The following STX8 variants were observed in gnomAD, a reference collection of about 807,000 sequenced individuals.
The protein encoded by STX8 is syntaxin 8.
A neutral mutation model predicts 37.5 loss-of-function variants in STX8; 23 were observed. That is an observed-to-expected ratio of 0.61 (90% confidence interval 0.44 to 0.87). The LOEUF (loss-of-function observed/expected upper bound fraction) is 0.87, where lower values mean the gene tolerates loss of function less well. Ranked by LOEUF, STX8 falls within the 40% of genes least tolerant of loss-of-function variation. The pLI is 0.00. For synonymous variants in STX8, 115 were observed against 99.1 expected, an observed-to-expected ratio of 1.16 and a Z score of -0.95; for missense variants, 313 against 284.7, an observed-to-expected ratio of 1.10 and a Z score of -0.71.
At chr17:9,258,539 G>T (rs8075344) in intron 7 of STX8, among the ~76,000 whole-genome samples, 4,205 of 152,324 alleles carry the variant, frequency 0.028, 70 homozygotes, top group Non-Finnish European at 0.044. Flanking sequence ...CTGCGCCAGG[G>T]GAAACCAGGC....
intron 7 of STX8, among the ~76,000 whole-genome samples, chr17:9,274,968 C>T (rs973141148): frequency 2.6e-5 from 4 of 151,774 alleles, no homozygotes; most frequent in African/African-American, 9.7e-5. Flanking sequence ...CCAAGCTGGT[C>T]TCAGACTCCT....
chr17:9,568,563 C>T (rs1470495950), intron 1 of STX8, 93 bp from the exon 2 acceptor site: 5 of 975,056 alleles, frequency 5.1e-6, no homozygotes, highest in Non-Finnish European at 7.6e-6. Context: ...TGCAGTGGCA[C>T]GATCTCAGCT....
intron 3 of STX8, among the ~76,000 whole-genome samples, chr17:9,548,235 G>T (rs1409969250): frequency 6.6e-6 from 1 of 152,078 alleles, no homozygotes; most frequent in African/African-American, 2.4e-5. Flanking sequence ...CTCCCAAGTA[G>T]CTGGGATTAC....
At chr17:9,426,926 G>A (rs1455721695) in intron 6 of STX8, among the ~76,000 whole-genome samples, 1 of 151,834 alleles carries the variant, frequency 6.6e-6, no homozygotes, top group Non-Finnish European at 1.5e-5. Flanking sequence ...ATATTACCTA[G>A]TATTACCAGT....
At chr17:9,422,894 G>A (rs1292575049) in intron 6 of STX8, among the ~76,000 whole-genome samples, 1 of 152,130 alleles carries the variant, frequency 6.6e-6, no homozygotes, top group Admixed American at 6.5e-5. Context: ...GAAAAATGCT[G>A]GACATAAATG....
rs183977963 is a variant in STX8, at chr17:9,458,557, T to C, written c.541+33272A>G. Among the ~76,000 whole-genome samples, 848 of 152,318 alleles carry C rather than the reference T, an allele frequency of 5.6e-3. 6 individuals are homozygous for C. The highest frequency in any genetic ancestry group is 8.8e-3 in the Non-Finnish European group (600 of 68,036). On this transcript the variant is annotated intron_variant, in intron 6 of 7. Transcript: ENST00000306357. ...TTTTAAAATAATTCAAAAGTAATCA[T>C]GACTTTGAGAAGACCAATGCATGAC...
intron 6 of STX8, among the ~76,000 whole-genome samples, chr17:9,400,251 C>T (rs1292804246): frequency 6.6e-6 from 1 of 151,564 alleles, no homozygotes; most frequent in African/African-American, 2.4e-5. Flanking sequence ...TACAGGCGCC[C>T]GCCACCACGC....
intron 6 of STX8, among the ~76,000 whole-genome samples, chr17:9,421,167 C>T (rs906178482): frequency 2.6e-5 from 4 of 151,852 alleles, no homozygotes; most frequent in Non-Finnish European, 4.4e-5. Flanking sequence ...CCGAGGCGGG[C>T]GGATCACCTG....
chr17:9,261,185 G>A (rs1907015444), intron 7 of STX8, among the ~76,000 whole-genome samples: 1 of 152,196 alleles, frequency 6.6e-6, no homozygotes, highest in African/African-American at 2.4e-5. Context: ...TGGCCGTGGA[G>A]CAGCAGTCAC....
intron 6 of STX8, among the ~76,000 whole-genome samples, chr17:9,385,982 C>T (rs2142295134): frequency 6.6e-6 from 1 of 152,202 alleles, no homozygotes; most frequent in African/African-American, 2.4e-5. Context: ...CCATGTTGGC[C>T]AGGCTGGTCT....
chr17:9,412,514 G>A (rs1234590530), intron 6 of STX8, among the ~76,000 whole-genome samples: 2 of 152,154 alleles, frequency 1.3e-5, no homozygotes, highest in African/African-American at 4.8e-5. Context: ...CCCGACCTCA[G>A]GTGATCCGCC....
intron 4 of STX8, among the ~76,000 whole-genome samples, chr17:9,531,503 C>G (rs1343532677): frequency 6.6e-6 from 1 of 152,120 alleles, no homozygotes; most frequent in African/African-American, 2.4e-5. Flanking sequence ...TTCAGTTACC[C>G]ACACTCCGAA....
In STX8 at chr17:9,293,765, C is replaced by CT. The variant is rs541071064; in HGVS notation, c.644-43121dup. 8.8e-3 allele frequency among the ~76,000 whole-genome samples: 1,279 copies of CT among 144,908 alleles called. 14 individuals are homozygous for CT. Among genetic ancestry groups the CT allele is most frequent in the African/African-American group, 0.025 (1,005 of 39,510 alleles). ...TTTTATGTGGTCACCATTTATAGTA[C>CT]TTTTTTTTTTTTTTGAGATGGAGTC... On this transcript the variant is annotated intron_variant, in intron 7 of 7. Coordinates refer to ENST00000306357, the MANE Select transcript of STX8 (RefSeq NM_004853.3).
chr17:9,310,781 T>C lies in STX8; in HGVS notation c.644-60136A>G, dbSNP rs564330210. Reference sequence around the variant, plus strand: ...TTACCCAAGGTCTCGATGTTAGAGCTGGGATTCAGATCTACACTGATTTTG... The same window carrying C: ...TTACCCAAGGTCTCGATGTTAGAGCCGGGATTCAGATCTACACTGATTTTG... On this transcript the variant is annotated intron_variant, in intron 7 of 7. Coordinates refer to ENST00000306357, the MANE Select transcript of STX8 (RefSeq NM_004853.3). Among the ~76,000 whole-genome samples, 4 of 115,208 alleles carry C rather than the reference T, an allele frequency of 3.5e-5. No individual in the cohort carries two copies. The East Asian group carries it at 9.6e-4, about 28-fold the overall frequency. The allele number at this position is 115,208 out of a possible 152,430, so 75.6% of individuals were successfully genotyped here.
At chr17:9,274,123 A>T (rs1041112582) in intron 7 of STX8, among the ~76,000 whole-genome samples, 1 of 152,108 alleles carries the variant, frequency 6.6e-6, no homozygotes, top group Non-Finnish European at 1.5e-5. Context: ...AAAAGTGTCA[A>T]ATGTGCCACC....
chr17:9,455,052 C>A (rs1024320364), intron 6 of STX8, among the ~76,000 whole-genome samples: 4 of 151,938 alleles, frequency 2.6e-5, no homozygotes, highest in African/African-American at 7.3e-5. Context: ...CCCGTCTCTA[C>A]AAAAAATTAA....
chr17:9,426,886 TACCA>T (rs974892045), intron 6 of STX8, among the ~76,000 whole-genome samples: 9 of 152,174 alleles, frequency 5.9e-5, no homozygotes, highest in Non-Finnish European at 1.3e-4. Context: ...CACCTAGTAT[TACCA>T]GTCTATCTCT....
intron 7 of STX8, among the ~76,000 whole-genome samples, chr17:9,252,653 G>T (rs1195486216): frequency 1.3e-5 from 2 of 151,528 alleles, no homozygotes; most frequent in East Asian, 3.9e-4. Flanking sequence ...AAAAAACTAG[G>T]GCAAGCTTCT....
At chr17:9,323,099 AAAAGT>A (rs1422835410) in intron 7 of STX8, among the ~76,000 whole-genome samples, 19 of 152,150 alleles carry the variant, frequency 1.2e-4, no homozygotes, top group Non-Finnish European at 2.4e-4. Flanking sequence ...TTATCTTGCA[AAAAGT>A]AAAGAGAAGC....
Sources: gnomAD v4.1 joint callset for allele counts (sites outside exome capture counted in the v4.1 genomes callset) on GRCh38, gnomAD v4.1.1 for gene constraint, MANE v1.5 for transcripts, NCBI Gene and HGNC (gene_info 2026-07-23, HGNC 2026-07-21) for gene names.